Variants in ARB2A observed in about 807,000 individuals in gnomAD.
ARB2A encodes the protein ARB2 cotranscriptional regulator A, also known as cotranscriptional regulator ARB2A.
At chr5:93,933,280 T>G in the ARB2A span, among the ~76,000 whole-genome samples, 1 of 152,198 alleles carries the variant, frequency 6.6e-6, no homozygotes, top group Non-Finnish European at 1.5e-5. Flanking sequence ...AATACCATTT[T>G]ACCCAGCTAT....
chr5:93,795,233 G>A, the ARB2A span, among the ~76,000 whole-genome samples: 1 of 152,136 alleles, frequency 6.6e-6, no homozygotes, highest in South Asian at 2.1e-4. Context: ...GAAAGTGGGG[G>A]AAAGCTGGCA....
the ARB2A span, among the ~76,000 whole-genome samples, chr5:93,820,848 A>G: frequency 6.6e-6 from 1 of 152,166 alleles, no homozygotes; most frequent in Non-Finnish European, 1.5e-5. Context: ...CAGAGAGTTC[A>G]GAGAATTGGA....
chr5:93,712,187 C>T, the ARB2A span, among the ~76,000 whole-genome samples: 17 of 152,012 alleles, frequency 1.1e-4, no homozygotes, highest in East Asian at 3.3e-3. Flanking sequence ...GACCATTAGG[C>T]TATGTAGGCA....
At chr5:93,781,371 C>T in the ARB2A span, among the ~76,000 whole-genome samples, 2 of 152,064 alleles carry the variant, frequency 1.3e-5, no homozygotes, top group African/African-American at 4.8e-5. Flanking sequence ...AGTAGTATTC[C>T]ACAGTATATA....
the ARB2A span, among the ~76,000 whole-genome samples, chr5:93,825,357 C>G: frequency 6.6e-6 from 1 of 152,102 alleles, no homozygotes; most frequent in African/African-American, 2.4e-5. Flanking sequence ...CTGCTATGAG[C>G]TTCATCTTCA....
At chr5:93,668,797 T>A in the ARB2A span, among the ~76,000 whole-genome samples, 1 of 152,182 alleles carries the variant, frequency 6.6e-6, no homozygotes, top group Non-Finnish European at 1.5e-5. Flanking sequence ...TCATTTCTTA[T>A]CATTCATCCA....
chr5:93,866,348 G>A, the ARB2A span: 2 of 932,162 alleles, frequency 2.1e-6, no homozygotes, highest in Non-Finnish European at 2.6e-6. Context: ...GATTATGGGA[G>A]GAACAGTGTT....
At chr5:93,761,562 C>T in the ARB2A span, among the ~76,000 whole-genome samples, 1 of 152,192 alleles carries the variant, frequency 6.6e-6, no homozygotes, top group Non-Finnish European at 1.5e-5. Flanking sequence ...AGCTGGGAAG[C>T]TCGAACTGGG....
chr5:93,987,465 T>C, the ARB2A span, among the ~76,000 whole-genome samples: 1 of 152,180 alleles, frequency 6.6e-6, no homozygotes, highest in Non-Finnish European at 1.5e-5. Context: ...CCTGGATTCA[T>C]ATCCTCTTAA....
chr5:93,714,108 G>C, the ARB2A span, among the ~76,000 whole-genome samples: 1 of 152,166 alleles, frequency 6.6e-6, no homozygotes, highest in Admixed American at 6.5e-5. Flanking sequence ...TTGTCTAAAA[G>C]GTATCTGTAA....
chr5:94,090,865 A>G, the ARB2A span, among the ~76,000 whole-genome samples: 1 of 152,106 alleles, frequency 6.6e-6, no homozygotes, highest in Admixed American at 6.5e-5. Context: ...TGCATCCCAT[A>G]TCATCACTAA....
chr5:93,671,708 G>A, the ARB2A span, among the ~76,000 whole-genome samples: 2 of 151,822 alleles, frequency 1.3e-5, no homozygotes, highest in African/African-American at 4.8e-5. Flanking sequence ...CTAAAAAAGA[G>A]GATTGGAAAA....
At chr5:93,862,530 A>G in the ARB2A span, 2 of 152,232 alleles carry the variant, frequency 1.3e-5, no homozygotes, top group Non-Finnish European at 2.9e-5. Flanking sequence ...GAATAAATAT[A>G]TAAGCTTTCA....
chr5:93,634,908 G>C, the ARB2A span, among the ~76,000 whole-genome samples: 1 of 152,038 alleles, frequency 6.6e-6, no homozygotes, highest in African/African-American at 2.4e-5. Context: ...CCGAGTAGCT[G>C]GGATTACAGG....
chr5:93,805,262 T>G, the ARB2A span: 1 of 985,034 alleles, frequency 1.0e-6, no homozygotes, highest in Non-Finnish European at 1.2e-6. Context: ...ATTCCTATAT[T>G]TGAAAATCCA....
the ARB2A span, among the ~76,000 whole-genome samples, chr5:94,078,578 A>G: frequency 1.8e-4 from 28 of 152,266 alleles, no homozygotes; most frequent in African/African-American, 4.8e-4. Context: ...AGCCCAGGGT[A>G]ATAAGGGCCC....
chr5:93,840,161 C>T, the ARB2A span, among the ~76,000 whole-genome samples: 1 of 152,160 alleles, frequency 6.6e-6, no homozygotes, highest in Non-Finnish European at 1.5e-5. Context: ...TCCCTCTTAA[C>T]ACTGCCTTAG....
chr5:94,065,918 G>A, the ARB2A span, among the ~76,000 whole-genome samples: 1 of 152,144 alleles, frequency 6.6e-6, no homozygotes, highest in Non-Finnish European at 1.5e-5. Context: ...GAGCTGCAGA[G>A]TATACATTTT....
chr5:94,057,651 G>T, the ARB2A span, among the ~76,000 whole-genome samples: 2 of 152,076 alleles, frequency 1.3e-5, no homozygotes, highest in Non-Finnish European at 2.9e-5. Context: ...TTCTACTTCT[G>T]GCCAAAACAG....
Sources: allele counts gnomAD v4.1 joint callset (sites outside exome capture counted in the v4.1 genomes callset), GRCh38; gene constraint gnomAD v4.1.1; transcripts MANE v1.5; gene names NCBI Gene and HGNC (gene_info 2026-07-23, HGNC 2026-07-21).